PTPRD: variants seen among roughly 807,000 people sequenced by gnomAD.
PTPRD encodes the protein receptor-type tyrosine-protein phosphatase delta.
PTPRD carries 34 observed loss-of-function variants against 214.5 expected under a neutral mutation model. The ratio of observed to expected loss-of-function variants is 0.16; its 90% CI spans 0.12 to 0.21. The LOEUF is 0.21. PTPRD is among the 10% of genes least tolerant of loss of function. PTPRD has a pLI of 1.00. For synonymous variants in PTPRD, 1,128 were observed against 845.7 expected (o/e 1.33, Z -5.79); for missense variants, 2,545 against 2,398.7 (o/e 1.06, Z -1.27).
At chr9:8,934,192 G>GA (rs1036689193) in intron 11 of PTPRD, among the ~76,000 whole-genome samples, 2 of 150,330 alleles carry the variant, frequency 1.3e-5, no homozygotes, top group African/African-American at 2.4e-5. Flanking sequence ...AGATAATATG[G>GA]AAAAAAAGAA....
At chr9:10,423,049 C>G (rs1297315899) in intron 2 of PTPRD, among the ~76,000 whole-genome samples, 1 of 152,048 alleles carries the variant, frequency 6.6e-6, no homozygotes, top group East Asian at 1.9e-4. Flanking sequence ...AGACTTGGAA[C>G]CAACCCAAAT....
intron 12 of PTPRD, among the ~76,000 whole-genome samples, chr9:8,710,431 C>A (rs960634898): frequency 2.6e-5 from 4 of 152,046 alleles, no homozygotes; most frequent in African/African-American, 9.7e-5. Context: ...GCCTGGGCAA[C>A]ATGGCAAAAC....
chr9:9,380,613 T>C (rs143709406), intron 9 of PTPRD, among the ~76,000 whole-genome samples: 20 of 152,306 alleles, frequency 1.3e-4, no homozygotes, highest in African/African-American at 4.8e-4. Flanking sequence ...ATGTGGTCTA[T>C]CTTAGTAAAT....
chr9:9,546,899 C>T (rs1008699481), intron 8 of PTPRD, among the ~76,000 whole-genome samples: 1 of 151,150 alleles, frequency 6.6e-6, no homozygotes, highest in African/African-American at 2.4e-5. Context: ...ATAATGGAAC[C>T]CTATTACATG....
chr9:8,553,622 A>T (rs1006370688), intron 14 of PTPRD, among the ~76,000 whole-genome samples: 1 of 152,204 alleles, frequency 6.6e-6, no homozygotes, highest in African/African-American at 2.4e-5. Context: ...CCTTTATGAC[A>T]GGTACATGAC....
chr9:9,461,783 G>A (rs1042571134), intron 8 of PTPRD, among the ~76,000 whole-genome samples: 3 of 152,106 alleles, frequency 2.0e-5, no homozygotes, highest in Non-Finnish European at 2.9e-5. Context: ...GCATTTGGAT[G>A]TTAAACAGTA....
At chr9:10,095,792 A>C (rs1173233255) in intron 3 of PTPRD, among the ~76,000 whole-genome samples, 2 of 151,734 alleles carry the variant, frequency 1.3e-5, no homozygotes, top group Non-Finnish European at 3.0e-5. Flanking sequence ...ATGGATAAAT[A>C]CATGTATACA....
chr9:9,423,087 G>C (rs1008047210), intron 8 of PTPRD, among the ~76,000 whole-genome samples: 5 of 152,110 alleles, frequency 3.3e-5, no homozygotes, highest in Non-Finnish European at 5.9e-5. Flanking sequence ...GTTCTTGTTT[G>C]GAGGGATATA....
chr9:9,125,761 C>T (rs1198249073), intron 10 of PTPRD, among the ~76,000 whole-genome samples: 2 of 152,152 alleles, frequency 1.3e-5, no homozygotes, highest in African/African-American at 4.8e-5. Flanking sequence ...TCCATGCCCT[C>T]ATAGAACTAT....
intron 2 of PTPRD, among the ~76,000 whole-genome samples, chr9:10,380,358 T>C (rs1263715590): frequency 6.6e-6 from 1 of 152,090 alleles, no homozygotes; most frequent in East Asian, 1.9e-4. Context: ...TCAATACAAA[T>C]CTTAAGAATA....
chr9:8,739,498 C>T (rs2091363767), intron 11 of PTPRD, among the ~76,000 whole-genome samples: 1 of 152,122 alleles, frequency 6.6e-6, no homozygotes, highest in African/African-American at 2.4e-5. Flanking sequence ...TTTACACAGC[C>T]ACATGTGGCT....
chr9:10,602,346 A>G (rs935625684), intron 2 of PTPRD, among the ~76,000 whole-genome samples: 1 of 151,826 alleles, frequency 6.6e-6, no homozygotes, highest in African/African-American at 2.4e-5. Flanking sequence ...CCAGGTTTCA[A>G]TCAATACACA....
At chr9:10,305,895 C>T (rs946237169) in intron 3 of PTPRD, among the ~76,000 whole-genome samples, 18 of 152,134 alleles carry the variant, frequency 1.2e-4, no homozygotes, top group Middle Eastern at 3.4e-3. Flanking sequence ...CTAGAAATAC[C>T]ATTTGACCCA....
Position 9,626,203 on chromosome 9 carries a change from C to A in PTPRD, c.-286-51422G>T, listed in dbSNP as rs572332529. Among the ~76,000 whole-genome samples the A allele has an allele frequency of 2.0e-4, 30 of 152,242 alleles. 1 individual carries two copies. In the South Asian group the frequency reaches 6.2e-3, roughly 32 times the overall value. ...CACTCTCCACTAGACAGAGCAGATGCCTGATTTTTATTTCCTTTCACGTAA... is the reference window on the plus strand; with the variant it reads ...CACTCTCCACTAGACAGAGCAGATGACTGATTTTTATTTCCTTTCACGTAA... On this transcript the variant is annotated intron_variant, in intron 7 of 45. Transcript: ENST00000381196.
chr9:8,630,354 A>T (rs1212697950), intron 14 of PTPRD, among the ~76,000 whole-genome samples: 2 of 151,848 alleles, frequency 1.3e-5, no homozygotes, highest in Non-Finnish European at 2.9e-5. Flanking sequence ...TTAGCTATTC[A>T]TGATGTTCAA....
intron 9 of PTPRD, among the ~76,000 whole-genome samples, chr9:9,191,817 G>T (rs1443820877): frequency 2.6e-5 from 4 of 151,964 alleles, no homozygotes; most frequent in Non-Finnish European, 4.4e-5. Context: ...AAAATATTAA[G>T]ATATAATTAA....
chr9:9,743,137 C>T (rs1294853158), intron 6 of PTPRD, among the ~76,000 whole-genome samples: 5 of 152,038 alleles, frequency 3.3e-5, no homozygotes, highest in Non-Finnish European at 7.4e-5. Flanking sequence ...GGCTCATGAG[C>T]CATAGGCTCT....
chr9:9,632,797 T>G (rs972875212), intron 7 of PTPRD, among the ~76,000 whole-genome samples: 2 of 152,068 alleles, frequency 1.3e-5, no homozygotes, highest in African/African-American at 4.8e-5. Flanking sequence ...AAGATAAAAA[T>G]GTGGCACTAT....
intron 8 of PTPRD, among the ~76,000 whole-genome samples, chr9:9,484,592 T>C (rs1282374560): frequency 6.6e-6 from 1 of 152,176 alleles, no homozygotes; most frequent in Non-Finnish European, 1.5e-5. Flanking sequence ...ATGGTTGTTA[T>C]TGGTTTACAT....
Sources: allele counts gnomAD v4.1 joint callset (sites outside exome capture counted in the v4.1 genomes callset), GRCh38; gene constraint gnomAD v4.1.1; transcripts MANE v1.5; gene names NCBI Gene and HGNC (gene_info 2026-07-23, HGNC 2026-07-21).